MYRF: variants seen among roughly 807,000 people sequenced by gnomAD.
MYRF encodes myelin gene regulatory factor.
A neutral mutation model predicts 126.3 loss-of-function variants in MYRF; 16 were observed. The observed-to-expected ratio is 0.13, with a 90% CI of 0.09 to 0.19. MYRF has a LOEUF of 0.19. MYRF is among the 10% of genes least tolerant of loss of function. The pLI, the probability that MYRF is intolerant of heterozygous loss-of-function variation, is 1.00. For synonymous variants in MYRF, 608 were observed against 635.3 expected, an observed-to-expected ratio of 0.96 and a Z score of 0.65; for missense variants, 1,104 against 1,547.0, an observed-to-expected ratio of 0.71 and a Z score of 4.80.
intron 1 of MYRF, 27 bp from the exon 2 acceptor site, chr11:61,765,598 C>T (rs986166361): frequency 1.4e-5 from 22 of 1,591,368 alleles, no homozygotes; most frequent in Middle Eastern, 1.9e-4. Flanking sequence ...TGGGCCTCTT[C>T]CCTAGCCCAT....
rs368746738 is a variant in MYRF at position 61,775,909 on chromosome 11, G to C, written c.1312-147G>C. On this transcript the variant is annotated intron_variant, in intron 8 of 26. Transcript: ENST00000278836. ...GGGTGTGACCATGCAGAAGGCATCT[G>C]AGCTTGTGGGAATCGCGGCTGAGGG... is the stretch of plus-strand genomic sequence containing the variant. 6.2e-5 allele frequency: 44 copies of C among 707,880 alleles called. No individual in the cohort carries two copies. The South Asian group carries it at 7.2e-4, about 12-fold the overall frequency. The allele number at this position is 707,880 out of a possible 1,614,324, so 43.8% of individuals were successfully genotyped here. A position where few individuals can be genotyped will look rare whatever the true frequency, so the allele number is the denominator to read the frequency against.
chr11:61,784,685 G>C (rs1424589125), intron 25 of MYRF: 4 of 311,164 alleles, frequency 1.3e-5, no homozygotes, highest in Non-Finnish European at 2.4e-5. Context: ...GTGTCTGGGA[G>C]CCCATGGCGG....
At chr11:61,773,701 C>T (rs1295021396) in intron 7 of MYRF, among the ~76,000 whole-genome samples, 1 of 152,186 alleles carries the variant, frequency 6.6e-6, no homozygotes. Context: ...CAGGGTCTGG[C>T]CCTGCTTCCC....
In MYRF at chr11:61,778,908, T is replaced by C. The variant is rs747028481; in HGVS notation, c.2014-355T>C. 15 of 568,156 alleles carry C rather than the reference T, an allele frequency of 2.6e-5. No homozygotes were observed. Among genetic ancestry groups the C allele is most frequent in the Non-Finnish European group, 4.3e-5 (13 of 299,408 alleles). The allele number at this position is 568,156 out of a possible 1,614,324, so 35.2% of individuals were successfully genotyped here. The stretch of plus-strand genomic sequence containing the variant: ...GTAATAGGTCTCCACCCCAGCTGAA[T>C]AGTGAAGTGCTGACATCTGAGACAC... On this transcript the variant is annotated intron_variant, in intron 14 of 26. Transcript: ENST00000278836. This position sits in a 1 kb window ranked among gnomAD's most constrained non-coding sequence, Gnocchi z 4.6.
intron 1 of MYRF, among the ~76,000 whole-genome samples, chr11:61,753,696 C>T (rs1337124093): frequency 6.6e-6 from 1 of 151,960 alleles, no homozygotes; most frequent in Non-Finnish European, 1.5e-5. Context: ...TGACATACAC[C>T]CCATAATATC....
chr11:61,781,288 A>C lies in MYRF; in HGVS notation c.2723A>C (p.His908Pro). 1 of 1,614,084 alleles carries C rather than the reference A, an allele frequency of 6.2e-7. No homozygotes were observed. Among genetic ancestry groups the C allele is most frequent in the East Asian group, 2.2e-5 (1 of 44,882 alleles). ...CTTGGCCCCAGCTTTAACCCTGGCC[A>C]TGTTCTCAGCCCAAGTCCCAGCCCC... ...PSLGPSFNPGHVLSPSPSPST... is the reference protein window; with the variant it reads ...PSLGPSFNPGPVLSPSPSPST... Residue 908 changes from histidine to proline, a missense_variant, in exon 21 of 27, where the codon CAT becomes CCT. Physicochemically the swap from His to Pro is moderately conservative, Grantham distance 77 (BLOSUM62 -2). This residue lies in a region of MYRF where 323 missense variants were observed against 383.1 expected (regional missense o/e 0.84). Transcript: ENST00000278836.
Position 61,777,659 on chromosome 11 carries a change from C to T in MYRF, c.1792-75C>T, listed in dbSNP as rs1565299629. The T allele has an allele frequency of 6.9e-7, 1 of 1,443,428 alleles. No individual in the cohort carries two copies. The allele number at this position is 1,443,428 out of a possible 1,614,324, so 89.4% of individuals were successfully genotyped here. On this transcript the variant is annotated intron_variant, in intron 12 of 26. Coordinates refer to ENST00000278836, the MANE Select transcript of MYRF (RefSeq NM_001127392.3). This position sits in a 1 kb window ranked among gnomAD's most constrained non-coding sequence, Gnocchi z 8.8. ...TCTCCACACTGCAGCCTCCAGGCTG[C>T]CGCCCTCCTGGGCTCCGGGGCCTGC... is the stretch of plus-strand genomic sequence containing the variant.
chr11:61,780,314 AGCTGCCAGGCCAGGTG>A, intron 18 of MYRF, 24 bp downstream of exon 18: 1 of 1,604,020 alleles, frequency 6.2e-7, no homozygotes, highest in Non-Finnish European at 8.5e-7. Flanking sequence ...GGCCAAGCCA[AGCTGCCAGGCCAGGTG>A]GGGCTTTGGT....
At position 61,781,336 on chromosome 11, in the gene MYRF, C is replaced by T; in HGVS notation, c.2764+7C>T. On this transcript the variant is annotated splice_region_variant and intron_variant, in intron 21 of 26. Transcript: ENST00000278836. ...CCCAGCACCAACCGCTCAGGTAAGG[C>T]TTTCTGTGGGCTGGGGCTTGGGGCG... The T allele has an allele frequency of 6.2e-7, 1 of 1,612,806 alleles. No individual in the cohort carries two copies. Among genetic ancestry groups the T allele is most frequent in the African/African-American group, 1.3e-5 (1 of 75,040 alleles).
Position 61,783,237 on chromosome 11 carries a change from C to T in MYRF, c.3017-261C>T. ...CTCGAGCGGGCTCCTGCACACCTGG[C>T]AGGGGATGTGAAGACCCATCCCTAC... On this transcript the variant is annotated intron_variant, in intron 22 of 26. Transcript: ENST00000278836. The surrounding 1 kb of genome is among the most constrained non-coding windows in gnomAD (Gnocchi z 4.6). 1 of 364,214 alleles carries T rather than the reference C, an allele frequency of 2.7e-6. No individual in the cohort carries two copies. The highest frequency in any genetic ancestry group is 4.4e-5 in the South Asian group (1 of 22,880). The allele number at this position is 364,214 out of a possible 1,614,324, so 22.6% of individuals were successfully genotyped here.
chr11:61,774,774 G>A (rs2066330578), intron 8 of MYRF, among the ~76,000 whole-genome samples: 2 of 150,296 alleles, frequency 1.3e-5, no homozygotes, highest in South Asian at 4.2e-4. Context: ...CCTCTCGTTG[G>A]GCACCTTACC....
rs2066438815 is a variant in MYRF, at chr11:61,778,220, A to G, written c.1904-160A>G. On this transcript the variant is annotated intron_variant, in intron 13 of 26. Coordinates refer to ENST00000278836, the MANE Select transcript of MYRF (RefSeq NM_001127392.3). The surrounding 1 kb of genome is among the most constrained non-coding windows in gnomAD (Gnocchi z 4.6). The stretch of plus-strand genomic sequence containing the variant: ...GCCCTGGAATTGCAATCCTGTGAAC[A>G]CTGGTTCGTGGGATCTCCCTGCTCC... Among the ~76,000 whole-genome samples, 1 of 151,822 alleles carries G rather than the reference A, an allele frequency of 6.6e-6. No homozygotes were observed. The highest frequency in any genetic ancestry group is 6.6e-5 in the Admixed American group (1 of 15,262).
intron 1 of MYRF, among the ~76,000 whole-genome samples, chr11:61,761,814 G>A (rs2065909392): frequency 6.6e-6 from 1 of 152,276 alleles, no homozygotes; most frequent in South Asian, 2.1e-4. Context: ...TGAAGAAAAA[G>A]AAAATCACCT....
At position 61,784,428 on chromosome 11, in the gene MYRF, G is replaced by A. The variant is rs780191135; in HGVS notation, c.3300+43G>A. The A allele has an allele frequency of 7.1e-6, 11 of 1,540,342 alleles. No homozygotes were observed. The South Asian group carries it at 9.1e-5, about 13-fold the overall frequency. ...GCTGCGGGCCGGCCAGGCCCGAGCTGCTTCTCTCCTGGCACAACTGGGCCC... is the reference window on the plus strand; with the variant it reads ...GCTGCGGGCCGGCCAGGCCCGAGCTACTTCTCTCCTGGCACAACTGGGCCC... On this transcript the variant is annotated intron_variant, in intron 25 of 26. Transcript: ENST00000278836.
chr11:61,765,598 C>A, intron 1 of MYRF, 27 bp from the exon 2 acceptor site: 1 of 1,591,488 alleles, frequency 6.3e-7, no homozygotes, highest in South Asian at 1.1e-5. Context: ...TGGGCCTCTT[C>A]CCTAGCCCAT....
rs1591125711 is a variant in MYRF at position 61,780,307 on chromosome 11, C to G, written c.2405+17C>G. 6.2e-7 allele frequency: 1 copy of G among 1,606,134 alleles called. No individual in the cohort carries two copies. Among genetic ancestry groups the G allele is most frequent in the Non-Finnish European group, 8.5e-7 (1 of 1,175,510 alleles). On this transcript the variant is annotated intron_variant, in intron 18 of 26. Transcript: ENST00000278836. ...CACTGATGGGTAGGTTCCTGGAGGC[C>G]AAGCCAAGCTGCCAGGCCAGGTGGG... is the stretch of plus-strand genomic sequence containing the variant.
At position 61,777,901 on chromosome 11, in the gene MYRF, A is replaced by G. The variant is rs564959307; in HGVS notation, c.1903+56A>G. 2.9e-6 allele frequency: 4 copies of G among 1,386,478 alleles called. No homozygotes were observed. In the South Asian group the frequency reaches 3.7e-5, roughly 13 times the overall value. 85.9% of individuals were successfully genotyped at this position (1,386,478 alleles called of 1,614,324 possible). On this transcript the variant is annotated intron_variant, in intron 13 of 26. Coordinates refer to ENST00000278836, the MANE Select transcript of MYRF (RefSeq NM_001127392.3). This position sits in a 1 kb window ranked among gnomAD's most constrained non-coding sequence, Gnocchi z 8.8. ...CGGAAACCCAGAAACCTCGGGCCTCAGTGACCTTGCCCCCTGTCACCTGGA... is the reference window on the plus strand; with the variant it reads ...CGGAAACCCAGAAACCTCGGGCCTCGGTGACCTTGCCCCCTGTCACCTGGA...
rs768726374 is a variant in MYRF, at chr11:61,777,715, C to T, written c.1792-19C>T. On this transcript the variant is annotated intron_variant, in intron 12 of 26. Coordinates refer to ENST00000278836, the MANE Select transcript of MYRF (RefSeq NM_001127392.3). The surrounding 1 kb of genome is among the most constrained non-coding windows in gnomAD (Gnocchi z 8.8). ...GACGGCCGCAGGAGGGGTTCATTCC[C>T]GGGCCTGGCTCCCCGCAGGTGGACA... 19 of 1,547,660 alleles carry T rather than the reference C, an allele frequency of 1.2e-5. No individual in the cohort carries two copies. Among genetic ancestry groups the T allele is most frequent in the Middle Eastern group, 3.5e-4 (2 of 5,790 alleles).
At chr11:61,759,848 A>G (rs2065858023) in intron 1 of MYRF, among the ~76,000 whole-genome samples, 1 of 152,196 alleles carries the variant, frequency 6.6e-6, no homozygotes, top group African/African-American at 2.4e-5. Context: ...GGCCCAAGCT[A>G]ACTGAGATTT....
Sources: gnomAD v4.1 joint callset for allele counts (sites outside exome capture counted in the v4.1 genomes callset) on GRCh38, gnomAD v4.1.1 for gene constraint, gnomAD v4.1.1 regional missense constraint, Gnocchi (gnomAD v3.1) non-coding constraint, MANE v1.5 for transcripts, NCBI Gene and HGNC (gene_info 2026-07-23, HGNC 2026-07-21) for gene names.